The following ATL3 variants were observed in gnomAD, a reference collection of about 807,000 sequenced individuals.
ATL3 encodes the protein atlastin-3.
In ATL3, 49 loss-of-function variants were observed where a neutral mutation model predicts 69.5. The observed-to-expected ratio is 0.71, with a 90% CI of 0.56 to 0.89. The LOEUF (loss-of-function observed/expected upper bound fraction) is 0.89, where lower values mean the gene tolerates loss of function less well. Ranked by LOEUF, ATL3 falls within the 40% of genes least tolerant of loss-of-function variation. The pLI, the probability that ATL3 is intolerant of heterozygous loss-of-function variation, is 0.00. For missense variants in ATL3, 606 were observed against 645.7 expected (o/e 0.94, Z 0.67); for synonymous variants, 214 against 224.1 (o/e 0.95, Z 0.40).
intron 1 of ATL3, among the ~76,000 whole-genome samples, chr11:63,665,610 A>C (rs539476199): frequency 4.6e-5 from 7 of 152,164 alleles, no homozygotes; most frequent in Non-Finnish European, 1.0e-4. Context: ...CTTGTTGGCC[A>C]GGCATGGGAG....
rs1444183885 is a variant in ATL3 at position 63,646,515 on chromosome 11, G to A, written c.610C>T (p.Pro204Ser). Reference sequence around the variant, plus strand: ...AAAATAAATATTCTAACCTGGAAAGGCTTTTGGAAAATTTCATCCATTGCC... The same window carrying A: ...AAAATAAATATTCTAACCTGGAAAGACTTTTGGAAAATTTCATCCATTGCC... ...RLAMDEIFQK[P>S]FQTLMFLVRD... Residue 204 changes from proline (P) to serine (S), a missense_variant, in exon 6 of 13, where the codon CCT (proline) becomes TCT (serine). Physicochemically the swap from Pro to Ser is moderately conservative, Grantham distance 74. Transcript: ENST00000398868. The A allele has an allele frequency of 3.2e-6, 5 of 1,586,818 alleles. No individual in the cohort carries two copies. The highest frequency in any genetic ancestry group is 1.7e-5 in the Admixed American group (1 of 58,550).
intron 1 of ATL3, among the ~76,000 whole-genome samples, chr11:63,661,188 C>G (rs11231550): frequency 6.8e-6 from 1 of 146,474 alleles, no homozygotes; most frequent in Non-Finnish European, 1.5e-5. Context: ...CGCCACTGCA[C>G]TCCAGCCTGG....
intron 6 of ATL3, among the ~76,000 whole-genome samples, chr11:63,645,058 G>A (rs1183306325): frequency 3.3e-5 from 5 of 152,002 alleles, no homozygotes; most frequent in Non-Finnish European, 5.9e-5. Flanking sequence ...TCCAGCCTGG[G>A]TGACAGAGCG....
rs544811143 is a variant in ATL3, at chr11:63,627,825, C to G, written c.*1494G>C. 134 of 152,128 alleles carry G rather than the reference C, an allele frequency of 8.8e-4. No individual in the cohort carries two copies. Among genetic ancestry groups the G allele is most frequent in the Non-Finnish European group, 1.7e-3 (117 of 68,018 alleles). 9.4% of individuals were successfully genotyped at this position (152,128 alleles called of 1,614,324 possible). ...TATTTGGGTAGGACTTTGATCCTTGCTAAGGCAAAGCTATCTTAAAGCTAC... is the reference window on the plus strand; with the variant it reads ...TATTTGGGTAGGACTTTGATCCTTGGTAAGGCAAAGCTATCTTAAAGCTAC... On this transcript the variant is annotated 3_prime_UTR_variant, in exon 13 of 13. Coordinates refer to ENST00000398868, the MANE Select transcript of ATL3 (RefSeq NM_015459.5).
In ATL3 at chr11:63,627,306, C is replaced by T. The variant is rs1462452163; in HGVS notation, c.*2013G>A. On this transcript the variant is annotated 3_prime_UTR_variant, in exon 13 of 13. Coordinates refer to ENST00000398868, the MANE Select transcript of ATL3 (RefSeq NM_015459.5). ...CAAGCTTTCAAGTTAACAGTCAAAG[C>T]TTGGTTGGCATCACTGATAAATGCA... is the stretch of plus-strand genomic sequence containing the variant. The T allele has an allele frequency of 6.6e-6, 1 of 152,162 alleles. No individual in the cohort carries two copies. The highest frequency in any genetic ancestry group is 1.5e-5 in the Non-Finnish European group (1 of 68,022). 9.4% of individuals were successfully genotyped at this position (152,162 alleles called of 1,614,324 possible).
At position 63,625,438 on chromosome 11, in the gene ATL3, ATTAAAGTT is replaced by A. The variant is rs1939074535; in HGVS notation, c.*3873_*3880del. The stretch of plus-strand genomic sequence containing the variant: ...CTAGCAAAAAATTAAAAACTGTTTT[ATTAAAGTT>A]TTAATTTTTAAAAAATTAAAAAATT... On this transcript the variant is annotated 3_prime_UTR_variant, in exon 13 of 13. Transcript: ENST00000398868. 2 of 152,222 alleles carry A rather than the reference ATTAAAGTT, an allele frequency of 1.3e-5. No individual in the cohort carries two copies. The highest frequency in any genetic ancestry group is 6.5e-5 in the Admixed American group (1 of 15,288). 9.4% of individuals were successfully genotyped at this position (152,222 alleles called of 1,614,324 possible).
chr11:63,662,152 G>T lies in ATL3; in HGVS notation c.47-2900C>A, dbSNP rs147796751. ...TACTTGAACCTGCACGGTGGAGGCT[G>T]CAGTGAGCCAAGACCGTGCCACTGC... On this transcript the variant is annotated intron_variant, in intron 1 of 12. Coordinates refer to ENST00000398868, the MANE Select transcript of ATL3 (RefSeq NM_015459.5). Among the ~76,000 whole-genome samples, 24 of 151,206 alleles carry T rather than the reference G, an allele frequency of 1.6e-4. 2 individuals carry two copies. In the East Asian group the frequency reaches 4.7e-3, roughly 29 times the overall value.
In ATL3 at chr11:63,627,428, C is replaced by A. The variant is rs962315381; in HGVS notation, c.*1891G>T. ...CATATAAATATGAAACAATATGCTG[C>A]GAATTTAGGACTTACAAAAATACTT... On this transcript the variant is annotated 3_prime_UTR_variant, in exon 13 of 13. Transcript: ENST00000398868. 6.6e-6 allele frequency: 1 copy of A among 151,994 alleles called. No homozygotes were observed. Among genetic ancestry groups the A allele is most frequent in the African/African-American group, 2.4e-5 (1 of 41,382 alleles). The allele number at this position is 151,994 out of a possible 1,614,324, so 9.4% of individuals were successfully genotyped here.
At position 63,632,960 on chromosome 11, in the gene ATL3, G is replaced by C. The variant is rs933934009; in HGVS notation, c.1107+66C>G. On this transcript the variant is annotated intron_variant, in intron 11 of 12. Coordinates refer to ENST00000398868, the MANE Select transcript of ATL3 (RefSeq NM_015459.5). ...GATACATTAAGTAGGATCAAGTTGG[G>C]CTTTTGAAGTCAGCAACAATGCCCA... 152 of 1,448,918 alleles carry C rather than the reference G, an allele frequency of 1.0e-4. 1 individual carries two copies. In the Admixed American group the frequency reaches 2.5e-3, roughly 24 times the overall value. 89.8% of individuals were successfully genotyped at this position (1,448,918 alleles called of 1,614,324 possible). A position where few individuals can be genotyped will look rare whatever the true frequency, so the allele number is the denominator to read the frequency against.
intron 11 of ATL3, 127 bp downstream of exon 11, chr11:63,632,899 C>A: frequency 1.1e-6 from 1 of 872,126 alleles, no homozygotes; most frequent in Non-Finnish European, 1.8e-6. Flanking sequence ...GTTACCAGGA[C>A]AACCTGAATA....
chr11:63,634,181 T>C (rs1233397839), intron 10 of ATL3, among the ~76,000 whole-genome samples: 1 of 126,216 alleles, frequency 7.9e-6, no homozygotes, highest in Non-Finnish European at 1.7e-5. Context: ...ATCCTGTTTC[T>C]ATTTAAAAAA....
chr11:63,629,094 C>A lies in ATL3; in HGVS notation c.*225G>T. Reference sequence around the variant, plus strand: ...TAATATGAAAATAGACACAGGCTTGCATCTATAACAGCAAGGAAAAGAAAT... The same window carrying A: ...TAATATGAAAATAGACACAGGCTTGAATCTATAACAGCAAGGAAAAGAAAT... On this transcript the variant is annotated 3_prime_UTR_variant, in exon 13 of 13. Transcript: ENST00000398868. 1 of 532,928 alleles carries A rather than the reference C, an allele frequency of 1.9e-6. No individual in the cohort carries two copies. The highest frequency in any genetic ancestry group is 3.4e-6 in the Non-Finnish European group (1 of 297,580). 33.0% of individuals were successfully genotyped at this position (532,928 alleles called of 1,614,324 possible). A position where few individuals can be genotyped will look rare whatever the true frequency, so the allele number is the denominator to read the frequency against.
rs199998352 is a variant in ATL3 at position 63,643,494 on chromosome 11, A to G, written c.713T>C (p.Val238Ala). The part of the protein sequence containing the change: ...GMAFLDKRLQ[V>A]KEHQHEEIQN... ...AATTTCTTCATGTTGATGTTCCTTC[A>G]CCTGCCAATGAAGACCAAGAATTTA... The change falls in exon 8 of 13, where the codon GTG becomes GCG. Residue 238 changes from valine to alanine, a missense_variant and splice_region_variant. Val to Ala is a moderately conservative substitution (Grantham distance 64). Coordinates refer to ENST00000398868, the MANE Select transcript of ATL3 (RefSeq NM_015459.5). 2 of 1,591,306 alleles carry G rather than the reference A, an allele frequency of 1.3e-6. No homozygotes were observed. The highest frequency in any genetic ancestry group is 1.7e-6 in the Non-Finnish European group (2 of 1,170,352).
At chr11:63,632,711 TTC>T (rs1939363555) in intron 11 of ATL3, 1 of 1,259,546 alleles carries the variant, frequency 7.9e-7, no homozygotes, top group East Asian at 2.3e-5. Context: ...GCCACAGATT[TTC>T]TGATGATTAG....
intron 6 of ATL3, 93 bp downstream of exon 6, chr11:63,646,414 G>T: frequency 1.4e-6 from 1 of 689,768 alleles, no homozygotes; most frequent in Admixed American, 2.7e-5. Flanking sequence ...ATAAAAACAG[G>T]TGGCAAGCTA....
intron 9 of ATL3, among the ~76,000 whole-genome samples, chr11:63,636,003 T>G (rs1939503309): frequency 6.6e-6 from 1 of 150,496 alleles, no homozygotes; most frequent in Non-Finnish European, 1.5e-5. Context: ...TCTAAGAGAG[T>G]GCAAAGAACA....
chr11:63,663,894 G>A (rs1353265684), intron 1 of ATL3, among the ~76,000 whole-genome samples: 1 of 152,116 alleles, frequency 6.6e-6, no homozygotes, highest in African/African-American at 2.4e-5. Context: ...ACTAAATTCT[G>A]AACAATGGGA....
In ATL3 at chr11:63,624,447, T is replaced by A. The variant is rs558119279; in HGVS notation, c.*4872A>T. The A allele has an allele frequency of 1.3e-5, 2 of 152,178 alleles. No individual in the cohort carries two copies. Among genetic ancestry groups the A allele is most frequent in the Admixed American group, 1.3e-4 (2 of 15,278 alleles). The allele number at this position is 152,178 out of a possible 1,614,324, so 9.4% of individuals were successfully genotyped here. On this transcript the variant is annotated 3_prime_UTR_variant, in exon 13 of 13. Coordinates refer to ENST00000398868, the MANE Select transcript of ATL3 (RefSeq NM_015459.5). ...ACGAAATTTGCCCCAAAGAAAAATG[T>A]CTTTCAAAGCCCTTCTGTCCCTAGA... is the stretch of plus-strand genomic sequence containing the variant.
At chr11:63,658,952 G>C (rs1287894126) in intron 2 of ATL3, 48 bp from the exon 3 acceptor site, 2 of 1,579,240 alleles carry the variant, frequency 1.3e-6, no homozygotes, top group Admixed American at 3.7e-5. Context: ...AAAATTTTAT[G>C]CATCAAGGAT....
Sources: gnomAD v4.1 joint callset for allele counts (sites outside exome capture counted in the v4.1 genomes callset) on GRCh38, gnomAD v4.1.1 for gene constraint, MANE v1.5 for transcripts, NCBI Gene and HGNC (gene_info 2026-07-23, HGNC 2026-07-21) for gene names.